Variants in GTF3C3 observed in about 807,000 individuals in gnomAD.
GTF3C3 encodes the protein general transcription factor IIIC subunit 3.
A neutral mutation model predicts 105.2 loss-of-function variants in GTF3C3; 75 were observed. The observed-to-expected ratio is 0.71, with a 90% CI of 0.59 to 0.86. GTF3C3 has a LOEUF of 0.86. GTF3C3 is among the 40% of genes least tolerant of loss of function. The pLI is 0.00. For synonymous variants in GTF3C3, 335 were observed against 370.4 expected, an observed-to-expected ratio of 0.90 and a Z score of 1.10; for missense variants, 856 against 1,076.5, an observed-to-expected ratio of 0.80 and a Z score of 2.87.
At chr2:196,790,139 G>A (rs1699522317) in intron 4 of GTF3C3, 69 bp from the exon 5 acceptor site, 3 of 952,012 alleles carry the variant, frequency 3.2e-6, no homozygotes, top group Non-Finnish European at 3.0e-6. Context: ...CCATCCCATG[G>A]TTCAAACTGT....
chr2:196,781,294 G>A (rs1005333953), intron 8 of GTF3C3, among the ~76,000 whole-genome samples: 1 of 131,450 alleles, frequency 7.6e-6, no homozygotes, highest in Non-Finnish European at 1.6e-5. Context: ...ATACCTTCAG[G>A]TTCCACATAT....
chr2:196,790,799 C>T (rs1031721676), intron 4 of GTF3C3, among the ~76,000 whole-genome samples: 1 of 152,016 alleles, frequency 6.6e-6, no homozygotes, highest in African/African-American at 2.4e-5. Context: ...GATAAAAGTT[C>T]ACTGTATTAC....
At chr2:196,766,348 A>G in intron 17 of GTF3C3, among the ~76,000 whole-genome samples, 1 of 152,212 alleles carries the variant, frequency 6.6e-6, no homozygotes, top group Admixed American at 6.5e-5. Context: ...TAAAATGCTC[A>G]CAGCCACAAG....
chr2:196,778,708 A>T, intron 10 of GTF3C3, 188 bp downstream of exon 10: 1 of 598,528 alleles, frequency 1.7e-6, no homozygotes, highest in Non-Finnish European at 3.0e-6. Context: ...TAAGTAAATC[A>T]TTCCTCCAAA....
Position 196,769,903 on chromosome 2 carries a change from T to A in GTF3C3, c.2385+12A>T. On this transcript the variant is annotated intron_variant, in intron 16 of 17. Transcript: ENST00000263956. ...ACATAAAATCAAGTAACGAGAAATT[T>A]GAATGAATTACCTGTACAATAAGAG... 2 of 1,597,330 alleles carry A rather than the reference T, an allele frequency of 1.3e-6. No individual in the cohort carries two copies. Among genetic ancestry groups the A allele is most frequent in the South Asian group, 1.1e-5 (1 of 88,952 alleles).
At chr2:196,797,641 T>G (rs182134023) in intron 2 of GTF3C3, among the ~76,000 whole-genome samples, 156 bp downstream of exon 2, 76 of 152,274 alleles carry the variant, frequency 5.0e-4, no homozygotes, top group African/African-American at 1.8e-3. Context: ...CAACAAATAT[T>G]TATTGGGCAC....
chr2:196,774,417 T>C (rs1174148030), intron 13 of GTF3C3, among the ~76,000 whole-genome samples: 1 of 152,134 alleles, frequency 6.6e-6, no homozygotes, highest in Non-Finnish European at 1.5e-5. Context: ...AAATGTAAAG[T>C]GAAAAGATCA....
intron 13 of GTF3C3, among the ~76,000 whole-genome samples, chr2:196,774,810 T>C (rs868414373): frequency 1.3e-5 from 2 of 152,236 alleles, no homozygotes; most frequent in South Asian, 2.1e-4. Context: ...AAATCATCTA[T>C]ACTGTCATCT....
intron 7 of GTF3C3, 142 bp downstream of exon 7, chr2:196,785,299 A>C: frequency 1.7e-6 from 1 of 588,394 alleles, no homozygotes. Flanking sequence ...GAATTGCTAC[A>C]GAATCTAGAA....
At chr2:196,779,784 A>G (rs1699315969) in intron 9 of GTF3C3, among the ~76,000 whole-genome samples, 1 of 151,938 alleles carries the variant, frequency 6.6e-6, no homozygotes, top group South Asian at 2.1e-4. Flanking sequence ...GGCTCAAGCA[A>G]TCCTCCCACC....
At position 196,785,508 on chromosome 2, in the gene GTF3C3, G is replaced by C. The variant is rs939548835; in HGVS notation, c.974C>G (p.Ser325Cys). 3.7e-6 allele frequency: 6 copies of C among 1,607,602 alleles called. No homozygotes were observed. The Admixed American group carries it at 8.4e-5, about 22-fold the overall frequency. ...EAFSKHQGLV[S>C]MEDVNIAAEL... ...AGCTGCTATGTTAACATCTTCCATG[G>C]AGACTAGGCCCTGGTGTTTTGAGAA... is the stretch of plus-strand genomic sequence containing the variant. Residue 325 changes from serine (S) to cysteine (C), a missense_variant, in exon 7 of 18, where the codon TCC becomes TGC. Ser to Cys is a moderately radical substitution (Grantham distance 112). This residue lies in a region of GTF3C3 where 605 missense variants were observed against 833.6 expected (regional missense o/e 0.73). Coordinates refer to ENST00000263956, the MANE Select transcript of GTF3C3 (RefSeq NM_012086.5).
intron 12 of GTF3C3, 92 bp from the exon 13 acceptor site, chr2:196,775,343 A>C: frequency 8.6e-7 from 1 of 1,169,360 alleles, no homozygotes; most frequent in East Asian, 2.5e-5. Flanking sequence ...CTGGATTTGA[A>C]CTCCTAAGCT....
intron 8 of GTF3C3, among the ~76,000 whole-genome samples, chr2:196,783,828 G>A (rs547719447): frequency 1.6e-4 from 24 of 152,146 alleles, no homozygotes; most frequent in Non-Finnish European, 2.6e-4. Flanking sequence ...GCCTCTTCCC[G>A]CCTCCACTTC....
intron 15 of GTF3C3, among the ~76,000 whole-genome samples, chr2:196,771,074 T>TTTAG (rs879755733): frequency 1.3e-5 from 2 of 152,174 alleles, no homozygotes; most frequent in Admixed American, 6.5e-5. Context: ...AGTTTAAACA[T>TTTAG]TTAGTTAGTT....
In GTF3C3 at chr2:196,789,302, A is replaced by G; in HGVS notation, c.795T>C (p.Gly265=). The G allele has an allele frequency of 1.2e-6, 2 of 1,613,418 alleles. No homozygotes were observed. Among genetic ancestry groups the G allele is most frequent in the Non-Finnish European group, 1.7e-6 (2 of 1,179,524 alleles). The change falls in exon 6 of 18, where the codon GGT becomes GGC. Residue 265 remains glycine (G), a synonymous_variant. Transcript: ENST00000263956. ...WERSSLYEQM[G]DHKMAMDGYR... Reference sequence around the variant, plus strand: ...AACCATCCATGGCCATTTTATGATCACCCATCTGTTCATAAAGGCTTGATC... The same window carrying G: ...AACCATCCATGGCCATTTTATGATCGCCCATCTGTTCATAAAGGCTTGATC...
In GTF3C3 at chr2:196,799,621, G is replaced by A; in HGVS notation, c.-10C>T. The A allele has an allele frequency of 1.3e-6, 2 of 1,589,686 alleles. No individual in the cohort carries two copies. The highest frequency in any genetic ancestry group is 1.7e-6 in the Non-Finnish European group (2 of 1,157,832). ...GACTGAACCCTGACATGTTTACAGG[G>A]TCTGTCTGTGCAACCCCAGGAACCG... On this transcript the variant is annotated 5_prime_UTR_variant, in exon 1 of 18. Transcript: ENST00000263956.
intron 5 of GTF3C3, among the ~76,000 whole-genome samples, chr2:196,789,631 C>T (rs1312627859): frequency 6.6e-6 from 1 of 152,160 alleles, no homozygotes; most frequent in Non-Finnish European, 1.5e-5. Flanking sequence ...AGAACCAACA[C>T]TGATCTTAGT....
chr2:196,791,607 C>G, intron 3 of GTF3C3, 147 bp from the exon 4 acceptor site: 1 of 614,222 alleles, frequency 1.6e-6, no homozygotes, highest in South Asian at 2.4e-5. Flanking sequence ...TAAATAGTTG[C>G]AATTCTAATT....
chr2:196,770,151 T>A, intron 15 of GTF3C3, 112 bp from the exon 16 acceptor site: 1 of 841,608 alleles, frequency 1.2e-6, no homozygotes. Context: ...GTGGACATTC[T>A]ATCTTAAATA....
Sources: allele counts gnomAD v4.1 joint callset (sites outside exome capture counted in the v4.1 genomes callset), GRCh38; gene constraint gnomAD v4.1.1; regional missense constraint gnomAD v4.1.1; transcripts MANE v1.5; gene names NCBI Gene and HGNC (gene_info 2026-07-23, HGNC 2026-07-21).